The following XRN1 variants were observed in gnomAD, a reference collection of about 807,000 sequenced individuals.
XRN1 encodes strand-exchange protein 1 homolog.
In XRN1, 67 loss-of-function variants were observed where a neutral mutation model predicts 222.3. The observed-to-expected ratio is 0.30, with a 90% CI of 0.25 to 0.37. The LOEUF is 0.37. Ranked by LOEUF, XRN1 falls within the 10% of genes least tolerant of loss-of-function variation. The pLI, the probability that XRN1 is intolerant of heterozygous loss-of-function variation, is 1.00. For synonymous variants in XRN1, 643 were observed against 652.4 expected, an observed-to-expected ratio of 0.99 and a Z score of 0.22; for missense variants, 1,707 against 2,000.2, an observed-to-expected ratio of 0.85 and a Z score of 2.80.
intron 22 of XRN1, among the ~76,000 whole-genome samples, chr3:142,380,407 C>G (rs2067267623): frequency 6.6e-6 from 1 of 152,044 alleles, no homozygotes; most frequent in Non-Finnish European, 1.5e-5. Flanking sequence ...ATTTGAGTCA[C>G]TGTATCATTG....
intron 5 of XRN1, among the ~76,000 whole-genome samples, chr3:142,423,871 C>T (rs1157670572): frequency 1.3e-5 from 2 of 152,100 alleles, no homozygotes; most frequent in Non-Finnish European, 2.9e-5. Context: ...AACCATTACC[C>T]TATCCCCTGT....
intron 37 of XRN1, among the ~76,000 whole-genome samples, chr3:142,325,032 C>T (rs1057384450): frequency 1.3e-5 from 2 of 152,118 alleles, no homozygotes; most frequent in African/African-American, 2.4e-5. Context: ...CATGAGAGGA[C>T]AAATATCTCT....
intron 21 of XRN1, 84 bp downstream of exon 21, chr3:142,384,439 A>C: frequency 9.2e-7 from 1 of 1,091,924 alleles, no homozygotes; most frequent in South Asian, 1.9e-5. Context: ...TAGTCTATTT[A>C]TATTAACATA....
intron 2 of XRN1, among the ~76,000 whole-genome samples, chr3:142,431,954 T>TTG (rs2069606645): frequency 2.1e-4 from 19 of 91,320 alleles, no homozygotes; most frequent in African/African-American, 7.9e-4. Context: ...ATATAATATA[T>TTG]TATATATAAT....
intron 22 of XRN1, 44 bp from the exon 23 acceptor site, chr3:142,380,224 T>G: frequency 6.7e-7 from 1 of 1,495,184 alleles, no homozygotes; most frequent in Non-Finnish European, 9.2e-7. Flanking sequence ...TTCAGTACAT[T>G]TTATTTTTTA....
intron 32 of XRN1, among the ~76,000 whole-genome samples, chr3:142,349,466 T>G (rs914257796): frequency 6.6e-6 from 1 of 152,072 alleles, no homozygotes; most frequent in African/African-American, 2.4e-5. Flanking sequence ...AATATCATTA[T>G]AGTAATGCTA....
chr3:142,316,055 T>A (rs2065203863), intron 39 of XRN1, among the ~76,000 whole-genome samples: 1 of 152,180 alleles, frequency 6.6e-6, no homozygotes, highest in Non-Finnish European at 1.5e-5. Context: ...TGTTTAAATA[T>A]ACAAACAGTG....
chr3:142,417,307 C>A, intron 12 of XRN1, 78 bp from the exon 13 acceptor site: 2 of 1,103,748 alleles, frequency 1.8e-6, no homozygotes, highest in Non-Finnish European at 2.7e-6. Context: ...TCTGCTGATA[C>A]AACATTTTAC....
intron 32 of XRN1, 25 bp downstream of exon 32, chr3:142,355,376 G>T: frequency 2.4e-6 from 3 of 1,245,480 alleles, no homozygotes; most frequent in Non-Finnish European, 2.2e-6. Flanking sequence ...TAAATTAATT[G>T]TCCATCAAAA....
At chr3:142,384,387 T>C (rs772584909) in intron 21 of XRN1, 136 bp downstream of exon 21, 2 of 581,512 alleles carry the variant, frequency 3.4e-6, no homozygotes, top group Non-Finnish European at 5.2e-6. Context: ...AGTTATTTTG[T>C]AAATTATATT....
intron 5 of XRN1, among the ~76,000 whole-genome samples, chr3:142,424,100 T>G (rs935700399): frequency 6.6e-6 from 1 of 151,692 alleles, no homozygotes. Context: ...TCTCACATAG[T>G]ATCTTTTTTT....
chr3:142,347,217 T>C lies in XRN1; in HGVS notation c.3877+17A>G, dbSNP rs754916146. On this transcript the variant is annotated intron_variant, in intron 33 of 40. Coordinates refer to ENST00000392981, the MANE Select transcript of XRN1 (RefSeq NM_001282857.2). Reference sequence around the variant, plus strand: ...GAAGCAGCACACACAAGTACACCTTTCTAATTTAAAACTTACATTTTCTGT... The same window carrying C: ...GAAGCAGCACACACAAGTACACCTTCCTAATTTAAAACTTACATTTTCTGT... The C allele has an allele frequency of 2.0e-6, 3 of 1,536,090 alleles. No individual in the cohort carries two copies. In the South Asian group the frequency reaches 3.5e-5, roughly 18 times the overall value.
chr3:142,354,469 T>C (rs886272346), intron 32 of XRN1, among the ~76,000 whole-genome samples: 1 of 152,206 alleles, frequency 6.6e-6, no homozygotes, highest in African/African-American at 2.4e-5. Flanking sequence ...AAAAGACACA[T>C]ACCCACATAT....
intron 20 of XRN1, among the ~76,000 whole-genome samples, chr3:142,391,620 T>G (rs1436971654): frequency 2.6e-5 from 4 of 151,830 alleles, no homozygotes; most frequent in African/African-American, 9.7e-5. Flanking sequence ...TCCCAGCTAT[T>G]GCAGAGGCGG....
In XRN1 at chr3:142,384,582, G is replaced by T. The variant is rs141258147; in HGVS notation, c.2443C>A (p.Arg815Ser). The T allele has an allele frequency of 6.2e-7, 1 of 1,612,862 alleles. No homozygotes were observed. Reference sequence around the variant, plus strand: ...TGTTTTGACCACTGTTTCTCTAGACGAACTTCACCATTTTGATTTATTTGA... The same window carrying T: ...TGTTTTGACCACTGTTTCTCTAGACTAACTTCACCATTTTGATTTATTTGA... ...KYQINQNGEV[R>S]LEKQWSKQVV... is the part of the protein sequence containing the mutation. Residue 815 changes from arginine to serine, a missense_variant, in exon 21 of 41, where the codon CGT becomes AGT. Physicochemically the swap from Arg to Ser is moderately radical, Grantham distance 110 (BLOSUM62 -1). This residue lies in a region of XRN1 where 1,234 missense variants were observed against 1,518.2 expected (regional missense o/e 0.81). Transcript: ENST00000392981.
intron 1 of XRN1, among the ~76,000 whole-genome samples, chr3:142,440,541 G>A (rs1324486060): frequency 6.6e-6 from 1 of 151,914 alleles, no homozygotes; most frequent in Non-Finnish European, 1.5e-5. Context: ...CCTTAGACCC[G>A]AGGCCCAACA....
chr3:142,419,221 A>C (rs1467038376), intron 10 of XRN1, among the ~76,000 whole-genome samples: 1 of 152,158 alleles, frequency 6.6e-6, no homozygotes, highest in Non-Finnish European at 1.5e-5. Flanking sequence ...AGACTGGTGA[A>C]GTTTAAGTAC....
rs920658508 is a variant in XRN1 at position 142,431,751 on chromosome 3, A to C, written c.308+910T>G. ...AGAATCACTTGTGCCTGGGAGGCGG[A>C]GGTTGTAATGAGCCGAGATCGCGCC... On this transcript the variant is annotated intron_variant, in intron 2 of 40. Coordinates refer to ENST00000392981, the MANE Select transcript of XRN1 (RefSeq NM_001282857.2). 4.3e-5 allele frequency among the ~76,000 whole-genome samples: 6 copies of C among 138,106 alleles called. No individual in the cohort carries two copies. In the Admixed American group the frequency reaches 4.5e-4, roughly 10 times the overall value. The allele number at this position is 138,106 out of a possible 152,430, so 90.6% of individuals were successfully genotyped here.
At chr3:142,368,779 G>A (rs1233693824) in intron 27 of XRN1, among the ~76,000 whole-genome samples, 1 of 152,190 alleles carries the variant, frequency 6.6e-6, no homozygotes, top group Non-Finnish European at 1.5e-5. Flanking sequence ...GAGAAAAAGA[G>A]TCATCTAGTG....
Sources: gnomAD v4.1 joint callset for allele counts (sites outside exome capture counted in the v4.1 genomes callset) on GRCh38, gnomAD v4.1.1 for gene constraint, gnomAD v4.1.1 regional missense constraint, MANE v1.5 for transcripts, NCBI Gene and HGNC (gene_info 2026-07-23, HGNC 2026-07-21) for gene names.